The following MLYCD variants were observed in gnomAD, a reference collection of about 807,000 sequenced individuals.
The protein encoded by MLYCD is malonyl-CoA decarboxylase, mitochondrial.
A neutral mutation model predicts 35.8 loss-of-function variants in MLYCD; 27 were observed. That is an observed-to-expected ratio of 0.75 (90% confidence interval 0.56 to 1.04). MLYCD has a LOEUF of 1.04. Ranked by LOEUF, MLYCD falls within the 50% of genes least tolerant of loss-of-function variation. The probability of loss-of-function intolerance (pLI) is 0.00; values close to 1 mark genes in which losing one functional copy is unlikely to be tolerated. For missense variants in MLYCD, 917 were observed against 665.1 expected (o/e 1.38, Z -4.17); for synonymous variants, 403 against 302.4 (o/e 1.33, Z -3.45).
At position 83,908,237 on chromosome 16, in the gene MLYCD, C is replaced by A; in HGVS notation, c.753C>A (p.Val251=). 6.2e-7 allele frequency: 1 copy of A among 1,614,112 alleles called. No homozygotes were observed. Among genetic ancestry groups the A allele is most frequent in the Non-Finnish European group, 8.5e-7 (1 of 1,180,018 alleles). Residue 251 remains valine, a synonymous_variant, in exon 3 of 5, where the codon GTC becomes GTA. Coordinates refer to ENST00000262430, the MANE Select transcript of MLYCD (RefSeq NM_012213.3). The part of the protein sequence containing the change: ...SHCSTPGEPL[V]VLHVALTGDI... ...GTTCGACCCCTGGGGAGCCCCTGGT[C>A]GTTTTGCACGTGGCACTGACTGGTG...
At position 83,920,280 on chromosome 16, in the gene MLYCD, G is replaced by C. The variant is rs1045447231; in HGVS notation, c.*4791G>C. The C allele has an allele frequency of 2.0e-5, 3 of 152,308 alleles. No individual in the cohort carries two copies. Among genetic ancestry groups the C allele is most frequent in the South Asian group, 2.1e-4 (1 of 4,822 alleles). 9.4% of individuals were successfully genotyped at this position (152,308 alleles called of 1,614,324 possible). A position where few individuals can be genotyped will look rare whatever the true frequency, so the allele number is the denominator to read the frequency against. ...TAAAAACAGATCTCCTCCAGCTCACGTGAGGCTAGGCACGGGTTCCTCAAA... is the reference window on the plus strand; with the variant it reads ...TAAAAACAGATCTCCTCCAGCTCACCTGAGGCTAGGCACGGGTTCCTCAAA... On this transcript the variant is annotated 3_prime_UTR_variant, in exon 5 of 5. Coordinates refer to ENST00000262430, the MANE Select transcript of MLYCD (RefSeq NM_012213.3).
rs1907006410 is a variant in MLYCD, at chr16:83,907,101, T to C, written c.641+2T>C. 1 of 1,606,178 alleles carries C rather than the reference T, an allele frequency of 6.2e-7. No individual in the cohort carries two copies. On this transcript the variant is annotated splice_donor_variant, in intron 2 of 4. Transcript: ENST00000262430. LOFTEE classifies it high-confidence loss of function. ...TGAAGTGCTTCAGAAAATCAGTGAG[T>C]AAGTATTACGGTTTTCATTTTCTTT... is the stretch of plus-strand genomic sequence containing the variant.
rs770755973 is a variant in MLYCD, at chr16:83,906,977, T to C, written c.529-10T>C. 45 of 1,612,196 alleles carry C rather than the reference T, an allele frequency of 2.8e-5. No homozygotes were observed. Among genetic ancestry groups the C allele is most frequent in the African/African-American group, 1.3e-5 (1 of 74,870 alleles). On this transcript the variant is annotated splice_polypyrimidine_tract_variant and intron_variant, in intron 1 of 4. Transcript: ENST00000262430. ...CATTGGAGGCCTGGGATTTATCTTC[T>C]CCTTTTCAGGAAATGAATGGGGTGC...
chr16:83,912,418 G>A (rs753815842), intron 4 of MLYCD, 51 bp downstream of exon 4: 11 of 1,612,100 alleles, frequency 6.8e-6, no homozygotes, highest in Non-Finnish European at 9.3e-6. Context: ...GTGTGGTCAG[G>A]TCAGCGAACC....
chr16:83,908,848 C>T (rs1451904250), intron 3 of MLYCD, among the ~76,000 whole-genome samples: 2 of 152,120 alleles, frequency 1.3e-5, no homozygotes, highest in Non-Finnish European at 2.9e-5. Flanking sequence ...GGCAGAAGAA[C>T]CAGGGAGCAC....
rs1335667489 is a variant in MLYCD, at chr16:83,924,258, G to C, written c.*8769G>C. On this transcript the variant is annotated 3_prime_UTR_variant, in exon 5 of 5. Transcript: ENST00000262430. ...GGAACGATGGTTGGCCCGGTTTGGAGATGGGGGATCTGGCCCTGTGGTGAG... is the reference window on the plus strand; with the variant it reads ...GGAACGATGGTTGGCCCGGTTTGGACATGGGGGATCTGGCCCTGTGGTGAG... 6.6e-6 allele frequency: 1 copy of C among 152,226 alleles called. No homozygotes were observed. The highest frequency in any genetic ancestry group is 2.4e-5 in the African/African-American group (1 of 41,412). 9.4% of individuals were successfully genotyped at this position (152,226 alleles called of 1,614,324 possible).
chr16:83,925,359 C>A lies in MLYCD; in HGVS notation c.*9870C>A, dbSNP rs2151064609. The A allele has an allele frequency of 6.5e-6, 1 of 152,684 alleles. No individual in the cohort carries two copies. Among genetic ancestry groups the A allele is most frequent in the East Asian group, 1.9e-4 (1 of 5,170 alleles). The allele number at this position is 152,684 out of a possible 1,614,324, so 9.5% of individuals were successfully genotyped here. On this transcript the variant is annotated 3_prime_UTR_variant, in exon 5 of 5. Transcript: ENST00000262430. ...TGGGGCTCCCCTCACCCCCACCTCC[C>A]ACCCGTCCCCGGGCCCCTGGACAGA...
Position 83,915,404 on chromosome 16 carries a change from C to A in MLYCD, c.1397C>A (p.Thr466Asn). Residue 466 changes from threonine to asparagine, a missense_variant, in exon 5 of 5, where the codon ACC (threonine) becomes AAC (asparagine). By Grantham distance (65) the Thr-to-Asn change is moderately conservative. Transcript: ENST00000262430. ...CTGGAGGAGACGGGCCCCAACAGCACCTCCTACCTCGGCTCCAAGATCATC... is the reference window on the plus strand; with the variant it reads ...CTGGAGGAGACGGGCCCCAACAGCAACTCCTACCTCGGCTCCAAGATCATC... ...YFLEETGPNS[T>N]SYLGSKIIKA... 1 of 1,613,906 alleles carries A rather than the reference C, an allele frequency of 6.2e-7. No individual in the cohort carries two copies. The highest frequency in any genetic ancestry group is 8.5e-7 in the Non-Finnish European group (1 of 1,180,046).
chr16:83,905,615 C>T (rs1906946133), intron 1 of MLYCD, among the ~76,000 whole-genome samples: 2 of 152,226 alleles, frequency 1.3e-5, no homozygotes. Flanking sequence ...CACCGCCTTC[C>T]AGTCTGCAGT....
intron 1 of MLYCD, among the ~76,000 whole-genome samples, chr16:83,900,151 A>G (rs539619064): frequency 1.6e-4 from 24 of 152,256 alleles, no homozygotes; most frequent in African/African-American, 5.3e-4. Flanking sequence ...ACAAAGGTAA[A>G]TAGGACTCAA....
intron 3 of MLYCD, 158 bp from the exon 4 acceptor site, chr16:83,912,060 G>A: frequency 9.5e-7 from 1 of 1,051,396 alleles, no homozygotes. Flanking sequence ...AAACAGAGCA[G>A]CTTTTAGGCT....
chr16:83,911,582 G>C (rs372048505), intron 3 of MLYCD: 1 of 153,604 alleles, frequency 6.5e-6, no homozygotes, highest in Non-Finnish European at 1.4e-5. Flanking sequence ...TCAGCTAAGC[G>C]ACTTCCCAGT....
rs1396841665 is a variant in MLYCD at position 83,899,663 on chromosome 16, G to C, written c.519G>C (p.Pro173=). Residue 173 remains proline (P), a synonymous_variant, in exon 1 of 5, where the codon CCG becomes CCC. Coordinates refer to ENST00000262430, the MANE Select transcript of MLYCD (RefSeq NM_012213.3). ...EAQALKLVEG[P]DVREMNGVLK... ...AGGCCCTCAAGCTGGTGGAGGGGCC[G>C]GACGTCCGGGTAAGGGGCCGCCGTC... 2.0e-6 allele frequency: 3 copies of C among 1,526,600 alleles called. No individual in the cohort carries two copies. Among genetic ancestry groups the C allele is most frequent in the East Asian group, 2.5e-5 (1 of 39,414 alleles). The allele number at this position is 1,526,600 out of a possible 1,614,324, so 94.6% of individuals were successfully genotyped here.
At position 83,916,404 on chromosome 16, in the gene MLYCD, C is replaced by A. The variant is rs1210440528; in HGVS notation, c.*915C>A. On this transcript the variant is annotated 3_prime_UTR_variant, in exon 5 of 5. Transcript: ENST00000262430. ...CATCTGTGTGCATGTGCACGAGCGTCTCTGTGTGGATCAGTGCACGTCTGT... is the reference window on the plus strand; with the variant it reads ...CATCTGTGTGCATGTGCACGAGCGTATCTGTGTGGATCAGTGCACGTCTGT... 1 of 159,666 alleles carries A rather than the reference C, an allele frequency of 6.3e-6. No homozygotes were observed. Among genetic ancestry groups the A allele is most frequent in the African/African-American group, 2.5e-5 (1 of 40,194 alleles). 9.9% of individuals were successfully genotyped at this position (159,666 alleles called of 1,614,324 possible).
At chr16:83,903,348 A>C (rs1165135908) in intron 1 of MLYCD, among the ~76,000 whole-genome samples, 1 of 152,154 alleles carries the variant, frequency 6.6e-6, no homozygotes, top group Non-Finnish European at 1.5e-5. Context: ...ACCTATGCTA[A>C]ATAATACTTA....
At chr16:83,902,873 G>A (rs1212902364) in intron 1 of MLYCD, among the ~76,000 whole-genome samples, 1 of 152,086 alleles carries the variant, frequency 6.6e-6, no homozygotes, top group Non-Finnish European at 1.5e-5. Context: ...TTACTGCCTG[G>A]ATTTGTGGCC....
chr16:83,912,221 A>G lies in MLYCD; in HGVS notation c.802A>G (p.Ile268Val), dbSNP rs745977401. Residue 268 changes from isoleucine (I) to valine (V), a missense_variant, in exon 4 of 5, where the codon ATC becomes GTC. Coordinates refer to ENST00000262430, the MANE Select transcript of MLYCD (RefSeq NM_012213.3). ...TGDISSNIQA[I>V]VKEHPPSETE... Reference sequence around the variant, plus strand: ...AACCATCGTTGGTGTTTTCCAGGCAATCGTGAAGGAACATCCTCCATCAGA... The same window carrying G: ...AACCATCGTTGGTGTTTTCCAGGCAGTCGTGAAGGAACATCCTCCATCAGA... 12 of 1,614,098 alleles carry G rather than the reference A, an allele frequency of 7.4e-6. No individual in the cohort carries two copies. The highest frequency in any genetic ancestry group is 9.3e-6 in the Non-Finnish European group (11 of 1,180,042).
intron 2 of MLYCD, 89 bp from the exon 3 acceptor site, chr16:83,908,037 T>G (rs1907041328): frequency 7.8e-6 from 12 of 1,535,132 alleles, no homozygotes; most frequent in Non-Finnish European, 9.8e-6. Context: ...AAGAACTTGT[T>G]TGACTTAGAC....
At chr16:83,911,413 T>G (rs954836494) in intron 3 of MLYCD, among the ~76,000 whole-genome samples, 2 of 152,226 alleles carry the variant, frequency 1.3e-5, no homozygotes, top group African/African-American at 4.8e-5. Context: ...AATGGGTTCT[T>G]CAAAAGTAAG....
Sources: gnomAD v4.1 joint callset for allele counts (sites outside exome capture counted in the v4.1 genomes callset) on GRCh38, gnomAD v4.1.1 for gene constraint, MANE v1.5 for transcripts, NCBI Gene and HGNC (gene_info 2026-07-23, HGNC 2026-07-21) for gene names.